The following PDE1C variants were observed in gnomAD, a reference collection of about 807,000 sequenced individuals.
PDE1C encodes the protein dual specificity calcium/calmodulin-dependent 3',5'-cyclic nucleotide phosphodiesterase 1C.
A neutral mutation model predicts 93.1 loss-of-function variants in PDE1C; 62 were observed. The observed-to-expected ratio is 0.67, with a 90% CI of 0.54 to 0.82. The LOEUF (loss-of-function observed/expected upper bound fraction) is 0.82, where lower values mean the gene tolerates loss of function less well. PDE1C is among the 40% of genes least tolerant of loss of function. PDE1C has a pLI of 0.00. For missense variants in PDE1C, 742 were observed against 884.6 expected (o/e 0.84, Z 2.04); for synonymous variants, 325 against 310.1 (o/e 1.05, Z -0.50).
chr7:32,020,491 A>G (rs1035479335), intron 2 of PDE1C, among the ~76,000 whole-genome samples: 28 of 152,152 alleles, frequency 1.8e-4, no homozygotes, highest in African/African-American at 6.8e-4. Flanking sequence ...AGGACCTGAA[A>G]AATACCAAAG....
At chr7:31,619,530 A>G in the PDE1C span, among the ~76,000 whole-genome samples, 7 of 91,198 alleles carry the variant, frequency 7.7e-5, no homozygotes, top group South Asian at 5.3e-4. Flanking sequence ...TTTATTTTCA[A>G]TCTCCAAAAT....
chr7:31,976,482 G>A (rs905912643), intron 2 of PDE1C, among the ~76,000 whole-genome samples: 8 of 152,158 alleles, frequency 5.3e-5, no homozygotes, highest in African/African-American at 1.9e-4. Flanking sequence ...AACAATCTAA[G>A]ATGAACATCT....
rs371438021 is a variant in PDE1C at position 32,028,901 on chromosome 7, C to T, written c.128+22653G>A. Among the ~76,000 whole-genome samples, 14 of 152,112 alleles carry T rather than the reference C, an allele frequency of 9.2e-5. 3 individuals carry two copies. The highest frequency in any genetic ancestry group is 6.6e-5 in the Admixed American group (1 of 15,256). ...TTCTATTATCTGCTTCTATGAGCTT[C>T]GTTGTTTTAGATTCCACATCTAAGT... On this transcript the variant is annotated intron_variant, in intron 2 of 17. Transcript: ENST00000396191.
At chr7:32,264,636 C>T (rs1027239222) in intron 1 of PDE1C, among the ~76,000 whole-genome samples, 1 of 152,204 alleles carries the variant, frequency 6.6e-6, no homozygotes, top group Non-Finnish European at 1.5e-5. Flanking sequence ...CGGTTGAATG[C>T]AGCCCATGTG....
chr7:32,243,609 G>A (rs915056457), intron 1 of PDE1C, among the ~76,000 whole-genome samples: 2 of 152,204 alleles, frequency 1.3e-5, no homozygotes, highest in Non-Finnish European at 2.9e-5. Flanking sequence ...GTTGGAGTCG[G>A]AGGTGGTGAT....
chr7:31,743,773 C>T, the PDE1C span, among the ~76,000 whole-genome samples: 1 of 152,082 alleles, frequency 6.6e-6, no homozygotes, highest in East Asian at 1.9e-4. Context: ...AGTAGTAACT[C>T]CCAAGAAGTC....
chr7:32,423,739 C>G (rs899261348), intron 1 of PDE1C, among the ~76,000 whole-genome samples: 2 of 152,132 alleles, frequency 1.3e-5, no homozygotes, highest in African/African-American at 4.8e-5. Flanking sequence ...AATGAGTCAG[C>G]AAGACAATGC....
chr7:32,266,039 C>G (rs1206604057), intron 1 of PDE1C, among the ~76,000 whole-genome samples: 1 of 120,322 alleles, frequency 8.3e-6, no homozygotes, highest in Non-Finnish European at 1.8e-5. Context: ...CTTTGAGAGG[C>G]CGAGGCAGGC....
At chr7:32,281,540 G>T (rs1811629084) in intron 1 of PDE1C, among the ~76,000 whole-genome samples, 1 of 152,038 alleles carries the variant, frequency 6.6e-6, no homozygotes, top group Non-Finnish European at 1.5e-5. Flanking sequence ...AGCCAAGGTG[G>T]TACCACTACA....
chr7:32,124,381 A>G (rs1297636414), intron 3 of PDE1C, among the ~76,000 whole-genome samples: 3 of 152,160 alleles, frequency 2.0e-5, no homozygotes, highest in South Asian at 4.1e-4. Context: ...ATCAAAGAAG[A>G]CCCCACATAG....
chr7:31,895,161 C>T (rs1490732320), intron 2 of PDE1C, among the ~76,000 whole-genome samples: 1 of 152,120 alleles, frequency 6.6e-6, no homozygotes, highest in East Asian at 1.9e-4. Context: ...CCCCTGTGCC[C>T]TGCAAAGGGA....
chr7:32,024,980 T>G (rs1259799921), intron 2 of PDE1C, among the ~76,000 whole-genome samples: 1 of 152,112 alleles, frequency 6.6e-6, no homozygotes, highest in African/African-American at 2.4e-5. Context: ...TGAGGGTATC[T>G]ACTCGGGGGG....
intron 2 of PDE1C, among the ~76,000 whole-genome samples, chr7:31,947,848 A>AAGGAG (rs1806821921): frequency 6.6e-6 from 1 of 152,202 alleles, no homozygotes; most frequent in South Asian, 2.1e-4. Context: ...ATAGATTTTT[A>AAGGAG]AGGAGAGGAG....
At position 32,143,920 on chromosome 7, in the gene PDE1C, G is replaced by A. The variant is rs78867532; in HGVS notation, c.308+25865C>T. Among the ~76,000 whole-genome samples, 1,193 of 152,170 alleles carry A rather than the reference G, an allele frequency of 7.8e-3. 14 individuals carry two copies. The highest frequency in any genetic ancestry group is 0.027 in the African/African-American group (1,130 of 41,544). ...AGTGCAATGATGTGTGTGACCCCAC[G>A]CTACAAGAGCACGCATTCTGCCCAG... On this transcript the variant is annotated intron_variant, in intron 3 of 18. Coordinates refer to the PDE1C transcript ENST00000396193.
At chr7:32,323,673 G>T (rs1358777753) in intron 1 of PDE1C, among the ~76,000 whole-genome samples, 1 of 152,166 alleles carries the variant, frequency 6.6e-6, no homozygotes, top group Non-Finnish European at 1.5e-5. Context: ...TGAGAAAAAA[G>T]ACTCTAAGGG....
the PDE1C span, among the ~76,000 whole-genome samples, chr7:31,646,200 G>T: frequency 0.014 from 2,201 of 152,244 alleles, 67 homozygotes; most frequent in African/African-American, 0.05. Flanking sequence ...AGGAGAAATG[G>T]TTTTTCTAGA....
At chr7:32,046,136 A>G (rs1254697658) in intron 2 of PDE1C, among the ~76,000 whole-genome samples, 2 of 151,984 alleles carry the variant, frequency 1.3e-5, no homozygotes, top group Non-Finnish European at 2.9e-5. Context: ...CAGGTTATCA[A>G]TTATCTGCAC....
chr7:31,960,576 C>T (rs1404069211), intron 2 of PDE1C, among the ~76,000 whole-genome samples: 1 of 151,978 alleles, frequency 6.6e-6, no homozygotes, highest in Non-Finnish European at 1.5e-5. Context: ...TTAAGAAATG[C>T]ATATTGAAAT....
chr7:32,230,327 G>A (rs1807604492), intron 1 of PDE1C, among the ~76,000 whole-genome samples: 1 of 152,204 alleles, frequency 6.6e-6, no homozygotes, highest in Admixed American at 6.5e-5. Flanking sequence ...CACTTAATTT[G>A]CTCTTCCTTG....
Sources: allele counts gnomAD v4.1 joint callset (sites outside exome capture counted in the v4.1 genomes callset), GRCh38; gene constraint gnomAD v4.1.1; transcripts MANE v1.5; gene names NCBI Gene and HGNC (gene_info 2026-07-23, HGNC 2026-07-21).